The following NR1H4 variants were observed in gnomAD, a reference collection of about 807,000 sequenced individuals.
The protein encoded by NR1H4 is bile acid receptor.
A neutral mutation model predicts 58.5 loss-of-function variants in NR1H4; 23 were observed. The observed-to-expected ratio is 0.39, with a 90% CI of 0.28 to 0.56. The LOEUF (loss-of-function observed/expected upper bound fraction) is 0.56. Among genes scored for constraint, NR1H4 ranks in the 20% least tolerant of loss-of-function variants. The pLI, the probability that NR1H4 is intolerant of heterozygous loss-of-function variation, is 0.58. For synonymous variants in NR1H4, 214 were observed against 198.0 expected, an observed-to-expected ratio of 1.08 and a Z score of -0.68; for missense variants, 487 against 576.9, an observed-to-expected ratio of 0.84 and a Z score of 1.60.
At position 100,563,905 on chromosome 12, in the gene NR1H4, C is replaced by T. The variant is rs1955527876; in HGVS notation, c.*416C>T. On this transcript the variant is annotated 3_prime_UTR_variant, in exon 11 of 11. Coordinates refer to ENST00000392986, the MANE Select transcript of NR1H4 (RefSeq NM_001206979.2). ...ACAAAATTTGATAAATATACAAACT[C>T]ATTTCTTTAAATGTTGAAAGACATC... The T allele has an allele frequency of 5.8e-6, 1 of 172,574 alleles. No homozygotes were observed. The highest frequency in any genetic ancestry group is 2.4e-5 in the African/African-American group (1 of 41,732). The allele number at this position is 172,574 out of a possible 1,614,324, so 10.7% of individuals were successfully genotyped here.
intron 1 of NR1H4, among the ~76,000 whole-genome samples, chr12:100,485,167 A>G (rs1566427208): frequency 6.6e-6 from 1 of 152,142 alleles, no homozygotes; most frequent in African/African-American, 2.4e-5. Flanking sequence ...ACTTTCATTC[A>G]TGTCTTTACA....
intron 3 of NR1H4, among the ~76,000 whole-genome samples, chr12:100,494,580 A>G (rs1463145502): frequency 1.3e-5 from 2 of 152,216 alleles, no homozygotes; most frequent in East Asian, 3.8e-4. Context: ...CAGTTCTCCC[A>G]AGTACTTGCT....
At chr12:100,486,934 A>G (rs1953504122) in intron 1 of NR1H4, among the ~76,000 whole-genome samples, 1 of 152,232 alleles carries the variant, frequency 6.6e-6, no homozygotes, top group South Asian at 2.1e-4. Context: ...ATTTAAAGGC[A>G]TGTAGTAAAT....
At chr12:100,526,003 T>TTCTC (rs1284386949) in intron 4 of NR1H4, among the ~76,000 whole-genome samples, 16 of 152,172 alleles carry the variant, frequency 1.1e-4, no homozygotes, top group Non-Finnish European at 1.9e-4. Flanking sequence ...AATTTGTGTC[T>TTCTC]TCTCTCTCTC....
chr12:100,518,379 A>G (rs1954320672), intron 4 of NR1H4, among the ~76,000 whole-genome samples: 1 of 152,194 alleles, frequency 6.6e-6, no homozygotes, highest in South Asian at 2.1e-4. Context: ...AAGAGAGCCA[A>G]CCTTTGGGGA....
At chr12:100,539,100 G>C (rs979932744) in intron 8 of NR1H4, among the ~76,000 whole-genome samples, 4 of 152,210 alleles carry the variant, frequency 2.6e-5, no homozygotes, top group Admixed American at 6.5e-5. Context: ...TAGCTTATCT[G>C]AAAGCAATAG....
At chr12:100,522,924 T>C (rs747095889) in intron 4 of NR1H4, among the ~76,000 whole-genome samples, 2 of 152,216 alleles carry the variant, frequency 1.3e-5, no homozygotes, top group Non-Finnish European at 2.9e-5. Context: ...CCATGGTGTA[T>C]ATATACCACA....
chr12:100,502,135 G>T (rs544941359), intron 3 of NR1H4, among the ~76,000 whole-genome samples: 1 of 152,118 alleles, frequency 6.6e-6, no homozygotes, highest in Admixed American at 6.6e-5. Context: ...TAATAATCAC[G>T]TATAATTCTT....
intron 4 of NR1H4, among the ~76,000 whole-genome samples, chr12:100,512,199 C>T (rs12312545): frequency 0.032 from 4,913 of 152,096 alleles, 247 homozygotes; most frequent in African/African-American, 0.11. Flanking sequence ...TGCCACTGCA[C>T]TCCAGACTGA....
chr12:100,516,871 A>G (rs528575921), intron 4 of NR1H4, among the ~76,000 whole-genome samples: 2 of 152,274 alleles, frequency 1.3e-5, no homozygotes, highest in East Asian at 3.9e-4. Flanking sequence ...ATTAATTCTC[A>G]TATCTTATGT....
At chr12:100,544,421 T>C (rs1051004094) in intron 9 of NR1H4, among the ~76,000 whole-genome samples, 5 of 152,144 alleles carry the variant, frequency 3.3e-5, no homozygotes, top group African/African-American at 1.2e-4. Flanking sequence ...TGATTAAGGA[T>C]ACTGACTGTG....
At chr12:100,516,720 A>G (rs1402735719) in intron 4 of NR1H4, among the ~76,000 whole-genome samples, 2 of 152,200 alleles carry the variant, frequency 1.3e-5, no homozygotes, top group African/African-American at 4.8e-5. Flanking sequence ...TCTGATCTTT[A>G]CAGCAACTAT....
At chr12:100,542,359 G>T (rs1279248038) in intron 9 of NR1H4, among the ~76,000 whole-genome samples, 2 of 151,802 alleles carry the variant, frequency 1.3e-5, no homozygotes, top group Non-Finnish European at 2.9e-5. Context: ...AAAAAAAGAA[G>T]CTTTGTGTCT....
At chr12:100,499,642 CAGTCT>C (rs1263704806) in intron 3 of NR1H4, among the ~76,000 whole-genome samples, 3 of 152,180 alleles carry the variant, frequency 2.0e-5, no homozygotes, top group African/African-American at 4.8e-5. Context: ...GATTCCACTG[CAGTCT>C]AGGCCTTAGC....
At chr12:100,482,458 C>A (rs577283660) in intron 1 of NR1H4, among the ~76,000 whole-genome samples, 13 of 152,250 alleles carry the variant, frequency 8.5e-5, no homozygotes, top group Admixed American at 4.6e-4. Flanking sequence ...TTTATTTATT[C>A]ATGCAACCAT....
chr12:100,511,722 GA>G (rs1339959271), intron 4 of NR1H4, among the ~76,000 whole-genome samples: 2 of 151,900 alleles, frequency 1.3e-5, no homozygotes, highest in African/African-American at 2.4e-5. Flanking sequence ...AGGAGTTCAA[GA>G]CCAGCCTGGC....
Position 100,510,607 on chromosome 12 carries a change from TTA to T in NR1H4, c.80-144_80-143del, listed in dbSNP as rs34480475. Among the ~76,000 whole-genome samples the T allele has an allele frequency of 0.05, 6,638 of 133,514 alleles. 176 individuals are homozygous for T. Among genetic ancestry groups the T allele is most frequent in the East Asian group, 0.08 (337 of 4,236 alleles). The allele number at this position is 133,514 out of a possible 152,430, so 87.6% of individuals were successfully genotyped here. ...TGAATTTTTAATTTGTCATTTAATTTTATATATATATATATATATATATATAT... is the reference window on the plus strand; with the variant it reads ...TGAATTTTTAATTTGTCATTTAATTTTATATATATATATATATATATATAT... On this transcript the variant is annotated intron_variant, in intron 3 of 10. Coordinates refer to ENST00000392986, the MANE Select transcript of NR1H4 (RefSeq NM_001206979.2).
At chr12:100,536,695 AAT>A in intron 7 of NR1H4, 85 bp downstream of exon 7, 1 of 791,976 alleles carries the variant, frequency 1.3e-6, no homozygotes, top group Non-Finnish European at 2.2e-6. Context: ...TTTATATGTG[AAT>A]ATGTTACTTT....
In NR1H4 at chr12:100,506,188, T is replaced by C. The variant is rs184309721; in HGVS notation, c.80-4590T>C. 5.6e-4 allele frequency among the ~76,000 whole-genome samples: 86 copies of C among 152,340 alleles called. 1 individual carries two copies. The highest frequency in any genetic ancestry group is 1.2e-4 in the Non-Finnish European group (8 of 68,036). On this transcript the variant is annotated intron_variant, in intron 3 of 10. Transcript: ENST00000392986. ...ACTATGATTAAAATCAGGATTTTGC[T>C]AGGTTCTTTAGGAAACATGTCTTTT...
Sources: gnomAD v4.1 joint callset for allele counts (sites outside exome capture counted in the v4.1 genomes callset) on GRCh38, gnomAD v4.1.1 for gene constraint, MANE v1.5 for transcripts, NCBI Gene and HGNC (gene_info 2026-07-23, HGNC 2026-07-21) for gene names.